Variants in OLFML2B observed in about 807,000 individuals in gnomAD.
The protein encoded by OLFML2B is olfactomedin like 2B, also known as olfactomedin-like protein 2B.
OLFML2B carries 57 observed loss-of-function variants against 74.9 expected under a neutral mutation model. That is an observed-to-expected ratio of 0.76 (90% confidence interval 0.61 to 0.95). The LOEUF (loss-of-function observed/expected upper bound fraction) is 0.95. Among genes scored for constraint, OLFML2B ranks in the 40% least tolerant of loss-of-function variants. The pLI is 0.00. For synonymous variants in OLFML2B, 388 were observed against 405.8 expected, an observed-to-expected ratio of 0.96 and a Z score of 0.53; for missense variants, 986 against 970.6, an observed-to-expected ratio of 1.02 and a Z score of -0.21.
chr1:161,991,393 G>A (rs565910432), intron 6 of OLFML2B, among the ~76,000 whole-genome samples: 2 of 152,194 alleles, frequency 1.3e-5, no homozygotes, highest in African/African-American at 2.4e-5. Flanking sequence ...ATCTCCATGA[G>A]AGCTTTTGGG....
chr1:161,999,623 G>A (rs771642081), intron 5 of OLFML2B, among the ~76,000 whole-genome samples: 4 of 152,162 alleles, frequency 2.6e-5, no homozygotes, highest in Admixed American at 6.5e-5. Context: ...ACAGGAAGAG[G>A]AAGAAGCCTA....
chr1:162,006,735 T>A (rs764776388), intron 3 of OLFML2B, among the ~76,000 whole-genome samples: 1 of 152,188 alleles, frequency 6.6e-6, no homozygotes, highest in Non-Finnish European at 1.5e-5. Context: ...TTTCTATTAA[T>A]AACATTGACA....
Position 162,017,433 on chromosome 1 carries a change from G to A in OLFML2B, c.513C>T (p.Thr171=). 1.2e-6 allele frequency: 2 copies of A among 1,613,762 alleles called. No homozygotes were observed. Among genetic ancestry groups the A allele is most frequent in the Non-Finnish European group, 1.7e-6 (2 of 1,179,828 alleles). ...LDLLKLHSVT[T]KLVGRVDKLE... is the part of the protein sequence containing the mutation. ...GTTTATCCACTCGCCCCACCAGTTT[G>A]GTGGTGACTGAATGTAGCTTCAGGA... The change falls in exon 3 of 8, where the codon ACC becomes ACT. Residue 171 remains threonine, a synonymous_variant. Transcript: ENST00000294794.
At chr1:161,996,843 G>GT (rs1689920767) in intron 6 of OLFML2B, among the ~76,000 whole-genome samples, 1 of 152,178 alleles carries the variant, frequency 6.6e-6, no homozygotes, top group Non-Finnish European at 1.5e-5. Flanking sequence ...CAGTCAGGAG[G>GT]CTTCCCTTCT....
At chr1:161,990,115 G>C (rs559632187) in intron 6 of OLFML2B, among the ~76,000 whole-genome samples, 24 of 152,292 alleles carry the variant, frequency 1.6e-4, no homozygotes, top group African/African-American at 4.8e-4. Context: ...AGGGAGTGTT[G>C]TTAAAATGTT....
intron 3 of OLFML2B, among the ~76,000 whole-genome samples, chr1:162,011,673 GCTGGACCAGGGC>G (rs1283237540): frequency 6.6e-6 from 1 of 152,236 alleles, no homozygotes; most frequent in Non-Finnish European, 1.5e-5. Flanking sequence ...CACATCAGGT[GCTGGACCAGGGC>G]CTGGGAAACA....
chr1:161,998,532 T>C (rs551400808), intron 5 of OLFML2B, among the ~76,000 whole-genome samples, 183 bp from the exon 6 acceptor site: 1 of 152,120 alleles, frequency 6.6e-6, no homozygotes, highest in South Asian at 2.1e-4. Context: ...GGAAGGACAT[T>C]GAATTTCCAG....
intron 3 of OLFML2B, 106 bp downstream of exon 3, chr1:162,017,294 G>T: frequency 1.3e-6 from 1 of 780,906 alleles, no homozygotes. Context: ...AATAGGATGG[G>T]TTAAGTCTAG....
At position 162,023,612 on chromosome 1, in the gene OLFML2B, C is replaced by G. The variant is rs186197796; in HGVS notation, c.-182G>C. 1,905 of 483,290 alleles carry G rather than the reference C, an allele frequency of 3.9e-3. 9 individuals are homozygous for G. Among genetic ancestry groups the G allele is most frequent in the Non-Finnish European group, 5.7e-3 (1,623 of 286,578 alleles). The allele number at this position is 483,290 out of a possible 1,614,324, so 29.9% of individuals were successfully genotyped here. A position where few individuals can be genotyped will look rare whatever the true frequency, so the allele number is the denominator to read the frequency against. On this transcript the variant is annotated 5_prime_UTR_variant, in exon 1 of 8. Coordinates refer to ENST00000294794, the MANE Select transcript of OLFML2B (RefSeq NM_015441.3). ...TGCGCCCCAGAGACTCTGGGCATCT[C>G]CTTCCCGACGCGAGCAGCCCTCGAC...
At chr1:162,015,530 C>T (rs1446926071) in intron 3 of OLFML2B, among the ~76,000 whole-genome samples, 1 of 152,200 alleles carries the variant, frequency 6.6e-6, no homozygotes, top group Non-Finnish European at 1.5e-5. Flanking sequence ...TGCTGTCGCT[C>T]CTGTTCCTAT....
At chr1:161,985,197 G>A in intron 6 of OLFML2B, 2 of 469,780 alleles carry the variant, frequency 4.3e-6, no homozygotes, top group Non-Finnish European at 7.5e-6. Flanking sequence ...GCCCATCTTT[G>A]GCAACTTTCA....
Position 161,984,027 on chromosome 1 carries a change from G to A in OLFML2B, c.1901C>T (p.Pro634Leu), listed in dbSNP as rs1397731591. Residue 634 changes from proline to leucine, a missense_variant, in exon 8 of 8, where the codon CCG (proline) becomes CTG (leucine). Transcript: ENST00000294794. ...VDENGLWLIY[P>L]ALDDEGFSQE... ...GCTGAAGCCCTCATCGTCCAGGGCCGGGTAGATGAGCCATAGGCCATTCTC... is the reference window on the plus strand; with the variant it reads ...GCTGAAGCCCTCATCGTCCAGGGCCAGGTAGATGAGCCATAGGCCATTCTC... 4 of 1,614,168 alleles carry A rather than the reference G, an allele frequency of 2.5e-6. No individual in the cohort carries two copies. The highest frequency in any genetic ancestry group is 2.5e-6 in the Non-Finnish European group (3 of 1,180,036).
At chr1:162,017,219 T>G (rs1690564244) in intron 3 of OLFML2B, among the ~76,000 whole-genome samples, 181 bp downstream of exon 3, 1 of 152,258 alleles carries the variant, frequency 6.6e-6, no homozygotes, top group South Asian at 2.1e-4. Context: ...TAACTGATTT[T>G]CTTTGTCACC....
chr1:162,008,265 C>T lies in OLFML2B; in HGVS notation c.547-1792G>A, dbSNP rs1273527790. On this transcript the variant is annotated intron_variant, in intron 3 of 7. Coordinates refer to ENST00000294794, the MANE Select transcript of OLFML2B (RefSeq NM_015441.3). ...ATGGATGTGCATGAAACATACCGGA[C>T]TAAGTGGCTGCTATTTTTCATATAA... Among the ~76,000 whole-genome samples the T allele has an allele frequency of 2.0e-5, 3 of 152,142 alleles. No individual in the cohort carries two copies. The East Asian group carries it at 5.8e-4, about 29-fold the overall frequency.
chr1:162,002,216 G>A (rs1690099056), intron 4 of OLFML2B, among the ~76,000 whole-genome samples: 1 of 152,234 alleles, frequency 6.6e-6, no homozygotes, highest in Non-Finnish European at 1.5e-5. Flanking sequence ...AAGTGTGGGA[G>A]CCTGAGAGGA....
chr1:161,989,813 T>C (rs1224803851), intron 6 of OLFML2B, among the ~76,000 whole-genome samples: 1 of 152,230 alleles, frequency 6.6e-6, no homozygotes, highest in Non-Finnish European at 1.5e-5. Context: ...GAATTGCAGG[T>C]AGACCCACTA....
intron 6 of OLFML2B, 35 bp from the exon 7 acceptor site, chr1:161,985,015 GA>G: frequency 6.3e-7 from 1 of 1,577,010 alleles, no homozygotes; most frequent in Non-Finnish European, 8.6e-7. Flanking sequence ...GTTTTGGGCT[GA>G]TCTAGTGATG....
chr1:162,002,633 G>A (rs1301625555), intron 4 of OLFML2B, among the ~76,000 whole-genome samples: 1 of 152,212 alleles, frequency 6.6e-6, no homozygotes, highest in East Asian at 1.9e-4. Context: ...CATGACAAGA[G>A]AGTTCTTCTG....
intron 4 of OLFML2B, among the ~76,000 whole-genome samples, chr1:162,004,624 C>A (rs1002239073): frequency 2.0e-5 from 3 of 152,186 alleles, no homozygotes; most frequent in Non-Finnish European, 4.4e-5. Flanking sequence ...CTGCTGCCTG[C>A]CTGGCACCCT....
Sources: allele counts gnomAD v4.1 joint callset (sites outside exome capture counted in the v4.1 genomes callset), GRCh38; gene constraint gnomAD v4.1.1; transcripts MANE v1.5; gene names NCBI Gene and HGNC (gene_info 2026-07-23, HGNC 2026-07-21).